Variants in CECR2 observed in about 807,000 individuals in gnomAD.
CECR2 encodes the protein chromatin remodeling regulator CECR2.
CECR2 carries 30 observed loss-of-function variants against 154.5 expected under a neutral mutation model. The ratio of observed to expected loss-of-function variants is 0.19; its 90% CI spans 0.15 to 0.26. The LOEUF is 0.26. CECR2 is among the 10% of genes least tolerant of loss of function. The pLI is 1.00. For missense variants in CECR2, 1,743 were observed against 1,829.3 expected, an observed-to-expected ratio of 0.95 and a Z score of 0.86; for synonymous variants, 725 against 683.7, an observed-to-expected ratio of 1.06 and a Z score of -0.94.
intron 1 of CECR2, among the ~76,000 whole-genome samples, chr22:17,459,869 C>T (rs763263347): frequency 1.3e-5 from 2 of 152,168 alleles, no homozygotes; most frequent in Non-Finnish European, 2.9e-5. Context: ...AGCCTCTTAT[C>T]CTTTTAACTC....
intron 1 of CECR2, among the ~76,000 whole-genome samples, chr22:17,406,216 T>A (rs2053981381): frequency 6.6e-6 from 1 of 152,184 alleles, no homozygotes; most frequent in African/African-American, 2.4e-5. Flanking sequence ...AATGTTTCAT[T>A]TTCACTTGAA....
intron 8 of CECR2, among the ~76,000 whole-genome samples, chr22:17,516,492 A>G (rs1173795825): frequency 2.6e-5 from 4 of 152,238 alleles, no homozygotes; most frequent in African/African-American, 7.2e-5. Flanking sequence ...TCAAATTGCA[A>G]TCCCCACATG....
chr22:17,437,998 CT>C (rs1450013794), intron 1 of CECR2, among the ~76,000 whole-genome samples: 1 of 152,104 alleles, frequency 6.6e-6, no homozygotes, highest in African/African-American at 2.4e-5. Context: ...AAATTTTTTT[CT>C]GTGATCTAGG....
chr22:17,383,233 T>TA (rs1381132548), intron 1 of CECR2, among the ~76,000 whole-genome samples: 3 of 151,764 alleles, frequency 2.0e-5, no homozygotes, highest in Admixed American at 6.6e-5. Context: ...TCCAAAAAAA[T>TA]AAAAAAAATC....
In CECR2 at chr22:17,505,013, G is replaced by A. The variant is rs2055812452; in HGVS notation, c.867G>A (p.Gln289=). 1.9e-6 allele frequency: 3 copies of A among 1,613,138 alleles called. No homozygotes were observed. The highest frequency in any genetic ancestry group is 2.2e-5 in the South Asian group (2 of 91,032). ...FLPEICNMIA[Q]KGKRPQRTKA... is the part of the protein sequence containing the mutation. The stretch of plus-strand genomic sequence containing the variant: ...CTGAGATCTGCAACATGATCGCCCA[G>A]AAGGTGCGCCACACTCTCTGCTCTG... The change falls in exon 7 of 19, where the codon CAG becomes CAA. Residue 289 remains glutamine (Q), a synonymous_variant. Transcript: ENST00000262608.
At position 17,555,216 on chromosome 22, in the gene CECR2, GC is replaced by G. The variant is rs991374792; in HGVS notation, c.*2377del. On this transcript the variant is annotated 3_prime_UTR_variant, in exon 19 of 19. Coordinates refer to ENST00000262608, the MANE Select transcript of CECR2 (RefSeq NM_001290047.2). ...CCCAATCAGCTGTTGCTAGAGCGATGCTGTGAACGATACAGGAAAAGTCAGT... is the reference window on the plus strand; with the variant it reads ...CCCAATCAGCTGTTGCTAGAGCGATGTGTGAACGATACAGGAAAAGTCAGT... The G allele has an allele frequency of 1.3e-5, 2 of 152,280 alleles. No homozygotes were observed. The highest frequency in any genetic ancestry group is 2.9e-5 in the Non-Finnish European group (2 of 68,088). The allele number at this position is 152,280 out of a possible 1,614,324, so 9.4% of individuals were successfully genotyped here.
intron 1 of CECR2, among the ~76,000 whole-genome samples, chr22:17,378,310 T>C (rs1419361747): frequency 6.9e-6 from 1 of 145,412 alleles, no homozygotes; most frequent in African/African-American, 2.6e-5. Context: ...TTTTTTTGTT[T>C]TTGGGAGACG....
Position 17,538,990 on chromosome 22 carries a change from T to C in CECR2, c.1369-3T>C. 6.2e-7 allele frequency: 1 copy of C among 1,613,170 alleles called. No homozygotes were observed. The highest frequency in any genetic ancestry group is 8.5e-7 in the Non-Finnish European group (1 of 1,179,460). On this transcript the variant is annotated splice_region_variant and splice_polypyrimidine_tract_variant and intron_variant, in intron 12 of 18. Coordinates refer to ENST00000262608, the MANE Select transcript of CECR2 (RefSeq NM_001290047.2). ...ACTATAAAGAGTTATGTGTCTCGTTTAGGCCCCCATGGATATTTCCAGCAT... is the reference window on the plus strand; with the variant it reads ...ACTATAAAGAGTTATGTGTCTCGTTCAGGCCCCCATGGATATTTCCAGCAT...
intron 16 of CECR2, among the ~76,000 whole-genome samples, chr22:17,547,318 C>A (rs193116228): frequency 0.021 from 3,131 of 151,856 alleles, 107 homozygotes; most frequent in African/African-American, 0.073. Context: ...CAATCTCCGC[C>A]TCCTGGGTTC....
intron 1 of CECR2, among the ~76,000 whole-genome samples, chr22:17,408,212 AC>A (rs1194470590): frequency 2.3e-5 from 1 of 43,218 alleles, no homozygotes; most frequent in Non-Finnish European, 5.3e-5. Flanking sequence ...CAGCCCCCTC[AC>A]CCCCCAGCCC....
intron 1 of CECR2, among the ~76,000 whole-genome samples, chr22:17,360,652 G>A (rs1398175814): frequency 6.6e-6 from 1 of 151,398 alleles, no homozygotes; most frequent in Non-Finnish European, 1.5e-5. Flanking sequence ...ACTCCAGCCT[G>A]GGCAACAAAG....
At chr22:17,545,388 A>AAAAAAAAAAAAAG (rs2056597051) in intron 16 of CECR2, among the ~76,000 whole-genome samples, 1 of 151,264 alleles carries the variant, frequency 6.6e-6, no homozygotes, top group Non-Finnish European at 1.5e-5. Flanking sequence ...AAAAAAAAAA[A>AAAAAAAAAAAAAG]AAAAAAAAAG....
Position 17,554,497 on chromosome 22 carries a change from C to T in CECR2, c.*1657C>T, listed in dbSNP as rs1327756042. 1 of 152,104 alleles carries T rather than the reference C, an allele frequency of 6.6e-6. No individual in the cohort carries two copies. Among genetic ancestry groups the T allele is most frequent in the South Asian group, 2.1e-4 (1 of 4,832 alleles). 9.4% of individuals were successfully genotyped at this position (152,104 alleles called of 1,614,324 possible). A position where few individuals can be genotyped will look rare whatever the true frequency, so the allele number is the denominator to read the frequency against. On this transcript the variant is annotated 3_prime_UTR_variant, in exon 19 of 19. Transcript: ENST00000262608. ...CGTGGAAAAGGAAGCTAATCGGAAG[C>T]ATCCATGATACAGAGAAATGAAAGC...
upstream of CECR2, among the ~76,000 whole-genome samples, chr22:17,367,023 G>C (rs946540717): frequency 5.0e-4 from 76 of 152,306 alleles, 1 homozygote; most frequent in African/African-American, 1.6e-3. Flanking sequence ...ACCCTCAGAA[G>C]GAAAGGGCAG....
intron 18 of CECR2, among the ~76,000 whole-genome samples, chr22:17,552,574 C>T (rs5747230): frequency 0.13 from 20,409 of 151,918 alleles, 1,786 homozygotes; most frequent in Non-Finnish European, 0.19. Context: ...TCCCTTGACC[C>T]CCACAAAGTA....
At chr22:17,393,082 A>T (rs117531371) in intron 1 of CECR2, among the ~76,000 whole-genome samples, 2,707 of 152,234 alleles carry the variant, frequency 0.018, 93 homozygotes, top group East Asian at 0.13. Context: ...ATATTTACAA[A>T]TAGTTACAAC....
At chr22:17,409,016 A>G (rs556056240) in intron 1 of CECR2, among the ~76,000 whole-genome samples, 1 of 152,316 alleles carries the variant, frequency 6.6e-6, no homozygotes, top group Admixed American at 6.5e-5. Context: ...GCACCTGCTC[A>G]TGGTTTCCAG....
chr22:17,485,532 G>A (rs2055405029), intron 2 of CECR2, among the ~76,000 whole-genome samples: 1 of 152,182 alleles, frequency 6.6e-6, no homozygotes, highest in Admixed American at 6.5e-5. Flanking sequence ...CTCTTGGGAG[G>A]CCGAGGCAGG....
intron 1 of CECR2, among the ~76,000 whole-genome samples, chr22:17,410,522 A>G (rs992983700): frequency 6.6e-6 from 1 of 151,826 alleles, no homozygotes; most frequent in African/African-American, 2.4e-5. Context: ...GTCTCGGCTC[A>G]CTGCAACCTC....
Sources: gnomAD v4.1 joint callset for allele counts (sites outside exome capture counted in the v4.1 genomes callset) on GRCh38, gnomAD v4.1.1 for gene constraint, MANE v1.5 for transcripts, NCBI Gene and HGNC (gene_info 2026-07-23, HGNC 2026-07-21) for gene names.